The following PTPRQ variants were observed in gnomAD, a reference collection of about 807,000 sequenced individuals.
The protein encoded by PTPRQ is protein tyrosine phosphatase receptor type Q.
A neutral mutation model predicts 246.0 loss-of-function variants in PTPRQ; 199 were observed. That is an observed-to-expected ratio of 0.81 (90% confidence interval 0.72 to 0.91). PTPRQ has a LOEUF of 0.91. Ranked by LOEUF, PTPRQ falls within the 40% of genes least tolerant of loss-of-function variation. The pLI is 0.00. For missense variants in PTPRQ, 2,624 were observed against 2,528.4 expected (o/e 1.04, Z -0.81); for synonymous variants, 869 against 853.2 (o/e 1.02, Z -0.32).
chr12:80,560,618 T>G (rs1164364695), intron 25 of PTPRQ, among the ~76,000 whole-genome samples: 2 of 152,150 alleles, frequency 1.3e-5, no homozygotes, highest in African/African-American at 2.4e-5. Context: ...AAAAAAAATT[T>G]GGACAACACA....
intron 17 of PTPRQ, among the ~76,000 whole-genome samples, chr12:80,519,403 A>G (rs772882069): frequency 6.6e-6 from 1 of 152,144 alleles, no homozygotes; most frequent in Non-Finnish European, 1.5e-5. Flanking sequence ...GAATAGTGCT[A>G]TTAACTTAAA....
intron 35 of PTPRQ, among the ~76,000 whole-genome samples, chr12:80,636,648 T>A (rs934722392): frequency 2.6e-5 from 4 of 152,200 alleles, no homozygotes; most frequent in African/African-American, 9.6e-5. Context: ...TATAGTTGAA[T>A]CTGTTCATAC....
chr12:80,548,130 G>T (rs1592640363), intron 24 of PTPRQ, among the ~76,000 whole-genome samples: 1 of 151,994 alleles, frequency 6.6e-6, no homozygotes, highest in South Asian at 2.1e-4. Context: ...AAAGTGCTCT[G>T]TAAACCCATA....
Position 80,570,475 on chromosome 12 carries a change from G to C in PTPRQ, c.4286-17654G>C, listed in dbSNP as rs149180847. Among the ~76,000 whole-genome samples the C allele has an allele frequency of 3.9e-5, 6 of 151,964 alleles. No homozygotes were observed. In the East Asian group the frequency reaches 9.7e-4, roughly 24 times the overall value. ...TTTGTTTAAGTTCCTTATAGATTCT[G>C]GGTGCTAGCTTTTTGTCAGGTGGAT... On this transcript the variant is annotated intron_variant, in intron 25 of 44. Coordinates refer to ENST00000644991, the MANE Select transcript of PTPRQ (RefSeq NM_001145026.2).
At chr12:80,450,863 G>C (rs939487415) in intron 3 of PTPRQ, among the ~76,000 whole-genome samples, 1 of 152,150 alleles carries the variant, frequency 6.6e-6, no homozygotes, top group Non-Finnish European at 1.5e-5. Flanking sequence ...TCTCTGCCTG[G>C]CTTTGGTATC....
chr12:80,479,089 T>A (rs1436141443), intron 8 of PTPRQ, among the ~76,000 whole-genome samples: 2 of 151,118 alleles, frequency 1.3e-5, no homozygotes, highest in Non-Finnish European at 1.5e-5. Context: ...TTCACCAAAG[T>A]TGAAATGAAG....
chr12:80,586,981 T>C (rs1454370283), intron 25 of PTPRQ, among the ~76,000 whole-genome samples: 2 of 152,204 alleles, frequency 1.3e-5, no homozygotes, highest in East Asian at 1.9e-4. Context: ...TCTTCTGATT[T>C]TGTTCTCCGT....
chr12:80,537,736 G>A (rs1465956228), intron 19 of PTPRQ, among the ~76,000 whole-genome samples: 2 of 152,114 alleles, frequency 1.3e-5, no homozygotes, highest in Non-Finnish European at 2.9e-5. Context: ...ATTTTGTACA[G>A]CATATTAACT....
intron 24 of PTPRQ, chr12:80,547,120 C>G (rs1440716897): frequency 6.2e-6 from 1 of 160,948 alleles, no homozygotes; most frequent in Non-Finnish European, 1.3e-5. Context: ...ATTTGGAGAG[C>G]ATGAGTCATT....
chr12:80,533,111 AT>A (rs1895890757), intron 17 of PTPRQ, among the ~76,000 whole-genome samples: 1 of 152,290 alleles, frequency 6.6e-6, no homozygotes, highest in South Asian at 2.1e-4. Context: ...TACTGATCAT[AT>A]TCCCTTATCT....
intron 25 of PTPRQ, among the ~76,000 whole-genome samples, chr12:80,562,269 T>C (rs1186290827): frequency 6.6e-5 from 10 of 152,200 alleles, no homozygotes; most frequent in Admixed American, 5.9e-4. Context: ...GCACTGCCTT[T>C]ATCTAGTTAC....
At chr12:80,496,178 C>T in intron 13 of PTPRQ, 72 bp downstream of exon 13, 2 of 1,543,072 alleles carry the variant, frequency 1.3e-6, no homozygotes, top group South Asian at 2.4e-5. Flanking sequence ...TCACTTCATG[C>T]TACCTCTAGG....
chr12:80,601,500 A>C (rs921689119), intron 26 of PTPRQ, among the ~76,000 whole-genome samples: 2 of 151,856 alleles, frequency 1.3e-5, no homozygotes, highest in African/African-American at 4.8e-5. Flanking sequence ...TGAATGCATA[A>C]ATTTATTCTC....
At chr12:80,514,373 TACACACAC>T (rs372647668) in intron 17 of PTPRQ, among the ~76,000 whole-genome samples, 3 of 112,176 alleles carry the variant, frequency 2.7e-5, no homozygotes, top group East Asian at 2.4e-4. Context: ...GGCTTTATTT[TACACACAC>T]ACACACACAC....
At chr12:80,563,288 G>A (rs1471755956) in intron 25 of PTPRQ, among the ~76,000 whole-genome samples, 1 of 151,788 alleles carries the variant, frequency 6.6e-6, no homozygotes, top group Non-Finnish European at 1.5e-5. Flanking sequence ...GTTCCTTCTT[G>A]TTGTGTCCTC....
At chr12:80,544,702 C>T (rs535089539) in intron 23 of PTPRQ, among the ~76,000 whole-genome samples, 6 of 152,016 alleles carry the variant, frequency 3.9e-5, no homozygotes, top group Admixed American at 1.3e-4. Context: ...TTTTCTATTT[C>T]GCTTTCTCTC....
intron 3 of PTPRQ, among the ~76,000 whole-genome samples, chr12:80,449,922 G>T (rs1223901930): frequency 6.6e-6 from 1 of 152,142 alleles, no homozygotes; most frequent in Non-Finnish European, 1.5e-5. Context: ...GAAAGTCATT[G>T]GTAGCTTGAT....
chr12:80,566,156 T>A (rs968308301), intron 25 of PTPRQ, among the ~76,000 whole-genome samples: 3 of 152,122 alleles, frequency 2.0e-5, no homozygotes, highest in Admixed American at 2.0e-4. Context: ...AATAATGAAA[T>A]CTATACTTAT....
chr12:80,488,614 A>G (rs982439894), intron 9 of PTPRQ, among the ~76,000 whole-genome samples: 2 of 152,016 alleles, frequency 1.3e-5, no homozygotes, highest in Non-Finnish European at 2.9e-5. Context: ...CTGGGAAGTA[A>G]GAGGTAGGGA....
Sources: gnomAD v4.1 joint callset for allele counts (sites outside exome capture counted in the v4.1 genomes callset) on GRCh38, gnomAD v4.1.1 for gene constraint, MANE v1.5 for transcripts, NCBI Gene and HGNC (gene_info 2026-07-23, HGNC 2026-07-21) for gene names.